The following PLCB1 variants were observed in gnomAD, a reference collection of about 807,000 sequenced individuals.
PLCB1 encodes phospholipase C beta 1.
Under a neutral mutation model 161.8 loss-of-function variants are expected in PLCB1, and 46 were observed. That is an observed-to-expected ratio of 0.28 (90% CI 0.22 to 0.36). The LOEUF is 0.36. Ranked by LOEUF, PLCB1 falls within the 10% of genes least tolerant of loss-of-function variation. PLCB1 has a pLI of 1.00. For missense variants in PLCB1, 1,016 were observed against 1,472.5 expected, an observed-to-expected ratio of 0.69 and a Z score of 5.07; for synonymous variants, 517 against 503.7, an observed-to-expected ratio of 1.03 and a Z score of -0.35.
chr20:8,362,901 G>A (rs989417988), intron 2 of PLCB1, among the ~76,000 whole-genome samples: 1 of 152,110 alleles, frequency 6.6e-6, no homozygotes, highest in East Asian at 1.9e-4. Context: ...GGGATATGTG[G>A]ATTACTTTTT....
intron 2 of PLCB1, among the ~76,000 whole-genome samples, chr20:8,286,248 C>T (rs1249370395): frequency 1.3e-5 from 2 of 152,156 alleles, no homozygotes; most frequent in African/African-American, 4.8e-5. Context: ...CGCTTGAACC[C>T]TGAAGGCAGA....
chr20:8,389,466 G>T (rs1399652381), intron 3 of PLCB1, among the ~76,000 whole-genome samples: 1 of 152,168 alleles, frequency 6.6e-6, no homozygotes, highest in Non-Finnish European at 1.5e-5. Context: ...TTCTCACGGA[G>T]GCCCAGAGTG....
At chr20:8,455,269 G>A (rs1259910253) in intron 3 of PLCB1, among the ~76,000 whole-genome samples, 12 of 146,058 alleles carry the variant, frequency 8.2e-5, no homozygotes, top group South Asian at 4.4e-4. Flanking sequence ...TGGAGGTTGC[G>A]ATGAGCCGAG....
chr20:8,501,866 T>C (rs1403599011), intron 3 of PLCB1, among the ~76,000 whole-genome samples: 31 of 430 alleles, frequency 0.072, no homozygotes, highest in Non-Finnish European at 0.079. Flanking sequence ...ATATATCGCA[T>C]ATATATATAT....
chr20:8,765,694 A>AT (rs932534190), intron 26 of PLCB1, among the ~76,000 whole-genome samples: 179 of 147,964 alleles, frequency 1.2e-3, no homozygotes, highest in African/African-American at 2.9e-3. Flanking sequence ...GAGGCAGCTG[A>AT]TTTTTTTTTT....
intron 31 of PLCB1, among the ~76,000 whole-genome samples, chr20:8,842,698 A>G (rs1437321807): frequency 1.3e-5 from 2 of 152,132 alleles, no homozygotes; most frequent in Non-Finnish European, 2.9e-5. Context: ...AAGGGTCATG[A>G]TTGATTGAGC....
intron 3 of PLCB1, among the ~76,000 whole-genome samples, chr20:8,416,891 T>C (rs935919756): frequency 1.3e-5 from 2 of 148,412 alleles, no homozygotes; most frequent in Admixed American, 1.4e-4. Flanking sequence ...TGGGAAATAG[T>C]CCTTGATGGT....
At chr20:8,369,085 G>A (rs1013152969) in intron 2 of PLCB1, among the ~76,000 whole-genome samples, 4 of 152,114 alleles carry the variant, frequency 2.6e-5, no homozygotes, top group African/African-American at 9.7e-5. Context: ...CTGATACATT[G>A]TAGGCATTCA....
intron 3 of PLCB1, among the ~76,000 whole-genome samples, chr20:8,606,379 G>A (rs1987758251): frequency 1.3e-5 from 2 of 152,010 alleles, no homozygotes. Flanking sequence ...TAACCTCTCT[G>A]TGCCTTCATT....
At chr20:8,267,521 T>A (rs1237913745) in intron 2 of PLCB1, among the ~76,000 whole-genome samples, 1 of 152,092 alleles carries the variant, frequency 6.6e-6, no homozygotes, top group African/African-American at 2.4e-5. Flanking sequence ...TCCCTCCTTC[T>A]CCTGTTCCTG....
intron 9 of PLCB1, among the ~76,000 whole-genome samples, chr20:8,667,332 A>G (rs13043435): frequency 0.09 from 13,737 of 152,238 alleles, 889 homozygotes; most frequent in Non-Finnish European, 0.14. Context: ...CCCTGAGTGC[A>G]TTCCAAGTTC....
intron 2 of PLCB1, among the ~76,000 whole-genome samples, chr20:8,252,653 T>A (rs1310418812): frequency 1.3e-5 from 2 of 151,982 alleles, no homozygotes; most frequent in African/African-American, 4.8e-5. Context: ...TAAAATCTCA[T>A]TAGCTCACAA....
At chr20:8,792,400 C>A (rs1983802010) in intron 31 of PLCB1, among the ~76,000 whole-genome samples, 1 of 152,170 alleles carries the variant, frequency 6.6e-6, no homozygotes, top group South Asian at 2.1e-4. Flanking sequence ...CTGAACAAAA[C>A]TGATATTTTA....
Position 8,481,445 on chromosome 20 carries a change from G to GAT in PLCB1, c.246+109996_246+109997dup, listed in dbSNP as rs529799554. Among the ~76,000 whole-genome samples, 218 of 152,244 alleles carry GAT rather than the reference G, an allele frequency of 1.4e-3. 1 individual carries two copies. Among genetic ancestry groups the GAT allele is most frequent in the Non-Finnish European group, 2.6e-3 (177 of 68,024 alleles). On this transcript the variant is annotated intron_variant, in intron 3 of 31. Coordinates refer to ENST00000338037, the MANE Select transcript of PLCB1 (RefSeq NM_015192.4). Reference sequence around the variant, plus strand: ...CCTGTTATATCTTCTATTTGTAAATGATTATTAAGTTGGCTACTTGCTCTG... The same window carrying GAT: ...CCTGTTATATCTTCTATTTGTAAATGATATTATTAAGTTGGCTACTTGCTCTG...
intron 31 of PLCB1, among the ~76,000 whole-genome samples, chr20:8,872,274 G>T (rs568080482): frequency 1.2e-3 from 182 of 152,300 alleles, no homozygotes; most frequent in South Asian, 4.6e-3. Flanking sequence ...AGCAGTAATT[G>T]ATTTCCATTG....
chr20:8,594,686 CAA>C (rs78007109), intron 3 of PLCB1, among the ~76,000 whole-genome samples: 10 of 135,714 alleles, frequency 7.4e-5, no homozygotes, highest in Admixed American at 2.2e-4. Flanking sequence ...TTGAGGAAAC[CAA>C]AAAAAAAAAA....
At chr20:8,325,559 T>C (rs1390888626) in intron 2 of PLCB1, among the ~76,000 whole-genome samples, 1 of 152,196 alleles carries the variant, frequency 6.6e-6, no homozygotes, top group African/African-American at 2.4e-5. Context: ...GGTACTGAGC[T>C]GAGAAATTTA....
chr20:8,615,610 C>T (rs947201296), intron 3 of PLCB1, among the ~76,000 whole-genome samples: 6 of 152,050 alleles, frequency 3.9e-5, no homozygotes. Context: ...ATTTGGCTCT[C>T]CTGGACAACA....
intron 20 of PLCB1, among the ~76,000 whole-genome samples, 187 bp from the exon 21 acceptor site, chr20:8,739,074 C>T (rs1980732354): frequency 2.0e-5 from 3 of 152,184 alleles, no homozygotes; most frequent in Admixed American, 2.0e-4. Flanking sequence ...ATGGCTTGAA[C>T]CCAGAGGCGG....
Sources: allele counts gnomAD v4.1 joint callset (sites outside exome capture counted in the v4.1 genomes callset), GRCh38; gene constraint gnomAD v4.1.1; transcripts MANE v1.5; gene names NCBI Gene and HGNC (gene_info 2026-07-23, HGNC 2026-07-21).